MRPS9: variants seen among roughly 807,000 people sequenced by gnomAD.
The protein encoded by MRPS9 is mitochondrial ribosomal protein S9.
Under a neutral mutation model 59.9 loss-of-function variants are expected in MRPS9, and 45 were observed. The observed-to-expected ratio is 0.75, with a 90% CI of 0.59 to 0.96. MRPS9 has a LOEUF of 0.96. Among genes scored for constraint, MRPS9 ranks in the 40% least tolerant of loss-of-function variants. The pLI, the probability that MRPS9 is intolerant of heterozygous loss-of-function variation, is 0.00. For synonymous variants in MRPS9, 171 were observed against 166.8 expected, an observed-to-expected ratio of 1.03 and a Z score of -0.19; for missense variants, 473 against 481.1, an observed-to-expected ratio of 0.98 and a Z score of 0.16.
chr2:105,075,799 G>A (rs1334385323), intron 4 of MRPS9, among the ~76,000 whole-genome samples: 2 of 152,000 alleles, frequency 1.3e-5, no homozygotes, highest in Non-Finnish European at 2.9e-5. Flanking sequence ...TAACAAAATT[G>A]AGCATTAATT....
At chr2:105,048,090 T>G (rs1679626670) in intron 1 of MRPS9, among the ~76,000 whole-genome samples, 1 of 151,948 alleles carries the variant, frequency 6.6e-6, no homozygotes, top group South Asian at 2.1e-4. Context: ...AGCAAAGACT[T>G]GGAACCAACC....
At chr2:105,085,974 G>C (rs1680437130) in intron 5 of MRPS9, among the ~76,000 whole-genome samples, 1 of 152,152 alleles carries the variant, frequency 6.6e-6, no homozygotes, top group East Asian at 1.9e-4. Flanking sequence ...TCTCTTCAGG[G>C]AGTTGAAGCT....
intron 2 of MRPS9, among the ~76,000 whole-genome samples, chr2:105,064,505 C>G (rs1679963611): frequency 6.6e-6 from 1 of 152,136 alleles, no homozygotes; most frequent in Non-Finnish European, 1.5e-5. Flanking sequence ...TCACATGATC[C>G]TTGAGGTTGC....
At chr2:105,062,032 C>T (rs1432872460) in intron 2 of MRPS9, among the ~76,000 whole-genome samples, 1 of 152,050 alleles carries the variant, frequency 6.6e-6, no homozygotes, top group Non-Finnish European at 1.5e-5. Context: ...GGAGCTGATC[C>T]AGTAAGGACC....
At chr2:105,048,511 T>A (rs72937498) in intron 1 of MRPS9, among the ~76,000 whole-genome samples, 12,512 of 151,408 alleles carry the variant, frequency 0.083, 743 homozygotes, top group East Asian at 0.27. Flanking sequence ...ATAATAATTT[T>A]AAAAAAAAGA....
At chr2:105,097,973 G>A (rs1402660284) in intron 10 of MRPS9, among the ~76,000 whole-genome samples, 5 of 152,138 alleles carry the variant, frequency 3.3e-5, no homozygotes, top group Admixed American at 2.6e-4. Flanking sequence ...CTGACATTAC[G>A]TAGCATGAGC....
intron 2 of MRPS9, 130 bp downstream of exon 2, chr2:105,049,480 A>G (rs969348703): frequency 7.9e-6 from 6 of 761,728 alleles, no homozygotes; most frequent in Non-Finnish European, 1.3e-5. Flanking sequence ...GCTGCTATAC[A>G]TTGTTTAAGT....
intron 7 of MRPS9, among the ~76,000 whole-genome samples, chr2:105,091,934 G>A (rs1486641153): frequency 6.6e-6 from 1 of 152,188 alleles, no homozygotes; most frequent in Admixed American, 6.5e-5. Flanking sequence ...AGCTTGAACA[G>A]CCAAAGATAT....
intron 2 of MRPS9, among the ~76,000 whole-genome samples, chr2:105,053,509 AAAC>A (rs2104443752): frequency 6.6e-6 from 1 of 152,324 alleles, no homozygotes; most frequent in South Asian, 2.1e-4. Flanking sequence ...TTAAGATTTA[AAAC>A]AACCCTTTCA....
intron 2 of MRPS9, among the ~76,000 whole-genome samples, chr2:105,069,904 T>A (rs2104453702): frequency 6.6e-6 from 1 of 151,538 alleles, no homozygotes; most frequent in East Asian, 1.9e-4. Context: ...CCCCAGCTAC[T>A]CCTGAGGCTG....
intron 2 of MRPS9, among the ~76,000 whole-genome samples, chr2:105,059,902 C>T (rs1679863793): frequency 6.6e-6 from 1 of 151,792 alleles, no homozygotes; most frequent in Non-Finnish European, 1.5e-5. Context: ...TTTTCCTCAC[C>T]ACCTTCCCCC....
At position 105,071,313 on chromosome 2, in the gene MRPS9, A is replaced by G; in HGVS notation, c.316A>G (p.Arg106Gly). 1 of 1,608,998 alleles carries G rather than the reference A, an allele frequency of 6.2e-7. No individual in the cohort carries two copies. Among genetic ancestry groups the G allele is most frequent in the Non-Finnish European group, 8.5e-7 (1 of 1,178,260 alleles). Reference protein sequence around the residue: ...PETFTQEDIDRAIAYLFPSGL... With the variant: ...PETFTQEDIDGAIAYLFPSGL... ...AACTAACCTTTGTGTATATTTTCAG[A>G]GAGCTATTGCTTACCTTTTCCCAAG... The change falls in exon 3 of 11, where the codon AGA becomes GGA. Residue 106 changes from arginine (R) to glycine (G), a missense_variant and splice_region_variant. Arg to Gly is a moderately radical substitution (Grantham distance 125). Transcript: ENST00000258455.
At chr2:105,081,482 T>C (rs1680346796) in intron 5 of MRPS9, among the ~76,000 whole-genome samples, 1 of 152,230 alleles carries the variant, frequency 6.6e-6, no homozygotes, top group Non-Finnish European at 1.5e-5. Flanking sequence ...CATGCAGGTC[T>C]TGTAGAGGAG....
chr2:105,078,209 A>G (rs1476500090), intron 4 of MRPS9, among the ~76,000 whole-genome samples: 1 of 146,014 alleles, frequency 6.8e-6, no homozygotes, highest in Non-Finnish European at 1.5e-5. Context: ...TTTGTAAACT[A>G]TGATACATAT....
chr2:105,097,117 T>C (rs1680676853), intron 9 of MRPS9, 38 bp from the exon 10 acceptor site: 3 of 1,430,796 alleles, frequency 2.1e-6, no homozygotes, highest in Non-Finnish European at 2.8e-6. Flanking sequence ...TGTATCTTTA[T>C]AGTAAACGTA....
In MRPS9 at chr2:105,092,404, A is replaced by ATG; in HGVS notation, c.656_657dup (p.Gln220CysfsTer7). On this transcript the variant is annotated frameshift_variant, in exon 8 of 11. Transcript: ENST00000258455. LOFTEE classifies it high-confidence loss of function. ...AATGAATTTTTATTGTCTGCAGTATATGCAGTTCATTCGGCTGCTAGAAAA... is the reference window on the plus strand; with the variant it reads ...AATGAATTTTTATTGTCTGCAGTATATGTGCAGTTCATTCGGCTGCTAGAAAA... 1 of 1,609,772 alleles carries ATG rather than the reference A, an allele frequency of 6.2e-7. No individual in the cohort carries two copies. Among genetic ancestry groups the ATG allele is most frequent in the Non-Finnish European group, 8.5e-7 (1 of 1,178,796 alleles).
chr2:105,058,406 G>C (rs958741779), intron 2 of MRPS9, among the ~76,000 whole-genome samples: 5 of 152,078 alleles, frequency 3.3e-5, no homozygotes, highest in African/African-American at 1.2e-4. Flanking sequence ...AGTGCTTCTG[G>C]GTTGAGTCTG....
chr2:105,081,222 G>T (rs139404733), intron 5 of MRPS9, among the ~76,000 whole-genome samples: 1 of 152,318 alleles, frequency 6.6e-6, no homozygotes, highest in East Asian at 1.9e-4. Flanking sequence ...GCTTCATGGT[G>T]CAGACGCAAA....
At chr2:105,046,904 C>T (rs1244857623) in intron 1 of MRPS9, among the ~76,000 whole-genome samples, 1 of 151,988 alleles carries the variant, frequency 6.6e-6, no homozygotes, top group Non-Finnish European at 1.5e-5. Context: ...TGCTATGATT[C>T]TTGGGGTAGA....
Sources: allele counts gnomAD v4.1 joint callset (sites outside exome capture counted in the v4.1 genomes callset), GRCh38; gene constraint gnomAD v4.1.1; transcripts MANE v1.5; gene names NCBI Gene and HGNC (gene_info 2026-07-23, HGNC 2026-07-21).